Variants in ZNF354B observed in about 807,000 individuals in gnomAD.
ZNF354B encodes zinc finger protein 354B.
In ZNF354B, 10 loss-of-function variants were observed where a neutral mutation model predicts 12.9. The ratio of observed to expected loss-of-function variants is 0.77; its 90% CI spans 0.48 to 1.31. The LOEUF (loss-of-function observed/expected upper bound fraction) is 1.31, where lower values mean the gene tolerates loss of function less well. ZNF354B is among the 40% of genes most tolerant of loss of function. The pLI, the probability that ZNF354B is intolerant of heterozygous loss-of-function variation, is 0.00. For synonymous variants in ZNF354B, 260 were observed against 243.7 expected, an observed-to-expected ratio of 1.07 and a Z score of -0.62; for missense variants, 614 against 711.7, an observed-to-expected ratio of 0.86 and a Z score of 1.56.
At chr5:178,875,413 G>T (rs921170448) in intron 4 of ZNF354B, among the ~76,000 whole-genome samples, 3 of 152,180 alleles carry the variant, frequency 2.0e-5, no homozygotes, top group African/African-American at 7.2e-5. Context: ...GCCCTGCCTG[G>T]TGAGGAGCAG....
At chr5:178,876,691 CA>C (rs910060510) in intron 4 of ZNF354B, among the ~76,000 whole-genome samples, 76 of 152,252 alleles carry the variant, frequency 5.0e-4, no homozygotes, top group African/African-American at 1.8e-3. Flanking sequence ...GTGAAATTTT[CA>C]TTTCAGTTAT....
In ZNF354B at chr5:178,882,749, T is replaced by C; in HGVS notation, c.297T>C (p.Thr99=). The change falls in exon 5 of 5, where the codon ACT becomes ACC. Residue 99 remains threonine, a synonymous_variant. Transcript: ENST00000322434. Reference sequence around the variant, plus strand: ...CTAAAATGACAAAGTCAACTCAAACTCAGGATTCATTTCAGGAGCAGATAA... The same window carrying C: ...CTAAAATGACAAAGTCAACTCAAACCCAGGATTCATTTCAGGAGCAGATAA... ...STPKMTKSTQ[T]QDSFQEQIRK... is the part of the protein sequence containing the mutation. The C allele has an allele frequency of 1.9e-6, 3 of 1,574,494 alleles. No individual in the cohort carries two copies. The highest frequency in any genetic ancestry group is 2.6e-6 in the Non-Finnish European group (3 of 1,169,952).
At chr5:178,862,094 A>G (rs1757363169) in intron 2 of ZNF354B, among the ~76,000 whole-genome samples, 3 of 152,192 alleles carry the variant, frequency 2.0e-5, no homozygotes, top group African/African-American at 4.8e-5. Flanking sequence ...ATCTAACAAT[A>G]CTAATGTCCA....
chr5:178,880,761 A>G (rs1417185574), intron 4 of ZNF354B, among the ~76,000 whole-genome samples: 1 of 150,084 alleles, frequency 6.7e-6, no homozygotes, highest in Non-Finnish European at 1.5e-5. Context: ...AATTGCTGAG[A>G]TTAAAGGAAG....
intron 2 of ZNF354B, among the ~76,000 whole-genome samples, chr5:178,862,081 T>G (rs1410247831): frequency 6.6e-6 from 1 of 152,226 alleles, no homozygotes; most frequent in Non-Finnish European, 1.5e-5. Flanking sequence ...TATTCATTTT[T>G]TTATCTAACA....
chr5:178,883,659 A>G lies in ZNF354B; in HGVS notation c.1207A>G (p.Ile403Val). The change falls in exon 5 of 5, where the codon ATT (isoleucine) becomes GTT (valine). Residue 403 changes from isoleucine to valine, a missense_variant. Transcript: ENST00000322434. ...QSASLIQHER[I>V]HTGEKPYRCN... ...TGCCTCTCTTATTCAACATGAAAGA[A>G]TTCACACCGGAGAAAAGCCCTATAG... The G allele has an allele frequency of 1.2e-6, 2 of 1,614,084 alleles. No homozygotes were observed. The highest frequency in any genetic ancestry group is 1.7e-6 in the Non-Finnish European group (2 of 1,179,960).
rs574936076 is a variant in ZNF354B at position 178,877,411 on chromosome 5, C to T, written c.257-5298C>T. ...TCGGAACTCCTGACCTCAAGTGATC[C>T]GCCCACCTCAGCCTTCCAAAGTGCT... On this transcript the variant is annotated intron_variant, in intron 4 of 4. Transcript: ENST00000322434. Among the ~76,000 whole-genome samples the T allele has an allele frequency of 2.0e-3, 303 of 152,194 alleles. 1 individual carries two copies. The highest frequency in any genetic ancestry group is 6.9e-3 in the African/African-American group (287 of 41,500).
At chr5:178,878,598 C>T (rs1757675031) in intron 4 of ZNF354B, among the ~76,000 whole-genome samples, 1 of 152,152 alleles carries the variant, frequency 6.6e-6, no homozygotes, top group Non-Finnish European at 1.5e-5. Flanking sequence ...GTTCTAAAGC[C>T]TTTTAAAATA....
chr5:178,873,962 T>C (rs1757599309), intron 4 of ZNF354B, among the ~76,000 whole-genome samples: 2 of 150,956 alleles, frequency 1.3e-5, no homozygotes, highest in South Asian at 2.1e-4. Flanking sequence ...TTCTTTTTTT[T>C]TTTTTGAGAT....
intron 4 of ZNF354B, among the ~76,000 whole-genome samples, chr5:178,882,264 A>G (rs1474553358): frequency 6.6e-6 from 1 of 152,184 alleles, no homozygotes. Context: ...AGTTGTTGGA[A>G]CTCAAAGTTA....
At chr5:178,867,133 A>C (rs1162458704) in intron 4 of ZNF354B, 62 bp downstream of exon 4, 13 of 1,459,006 alleles carry the variant, frequency 8.9e-6, no homozygotes, top group Non-Finnish European at 1.2e-5. Flanking sequence ...TAATGAGAGG[A>C]GGTAGGAACA....
intron 2 of ZNF354B, among the ~76,000 whole-genome samples, chr5:178,861,294 TCATC>T (rs1005243035): frequency 1.3e-5 from 2 of 149,112 alleles, no homozygotes; most frequent in African/African-American, 2.4e-5. Context: ...TCACGAATCT[TCATC>T]CATTGTGTGA....
chr5:178,860,507 C>G (rs1033046043), intron 1 of ZNF354B, among the ~76,000 whole-genome samples: 5 of 152,288 alleles, frequency 3.3e-5, no homozygotes, highest in Admixed American at 6.5e-5. Context: ...GCGCTTTCCT[C>G]TTCAAAGCCG....
chr5:178,863,195 C>T lies in ZNF354B; in HGVS notation c.33+2115C>T, dbSNP rs149122470. On this transcript the variant is annotated intron_variant, in intron 2 of 4. Transcript: ENST00000322434. ...GCTCTTTTTCACCATAAAAATATTG[C>T]AGGGTTATGGTGTAAATTTTAGAGA... Among the ~76,000 whole-genome samples, 807 of 152,066 alleles carry T rather than the reference C, an allele frequency of 5.3e-3. 7 individuals carry two copies. The highest frequency in any genetic ancestry group is 0.019 in the African/African-American group (767 of 41,452).
intron 2 of ZNF354B, among the ~76,000 whole-genome samples, chr5:178,865,565 C>A (rs1289344377): frequency 6.6e-6 from 1 of 152,094 alleles, no homozygotes; most frequent in Non-Finnish European, 1.5e-5. Context: ...CTGCACCCAG[C>A]CAACTTTAAA....
chr5:178,884,233 C>T lies in ZNF354B; in HGVS notation c.1781C>T (p.Thr594Ile). Residue 594 changes from threonine to isoleucine, a missense_variant, in exon 5 of 5, where the codon ACT becomes ATT. Physicochemically the swap from Thr to Ile is moderately conservative, Grantham distance 89. Transcript: ENST00000322434. ...CTCTTTAGCCAGAGGTCATCCCTTACTAATCATTATAAAATTCACATTGAA... is the reference window on the plus strand; with the variant it reads ...CTCTTTAGCCAGAGGTCATCCCTTATTAATCATTATAAAATTCACATTGAA... ...GKLFSQRSSL[T>I]NHYKIHIEED... is the part of the protein sequence containing the mutation. 1 of 1,610,092 alleles carries T rather than the reference C, an allele frequency of 6.2e-7. No homozygotes were observed. The highest frequency in any genetic ancestry group is 1.1e-5 in the South Asian group (1 of 90,400).
intron 4 of ZNF354B, among the ~76,000 whole-genome samples, chr5:178,876,419 T>C (rs1757639256): frequency 6.6e-6 from 1 of 152,162 alleles, no homozygotes; most frequent in Non-Finnish European, 1.5e-5. Flanking sequence ...GCAGCCTGCC[T>C]CTCCCTTCGG....
intron 4 of ZNF354B, among the ~76,000 whole-genome samples, chr5:178,869,890 T>G (rs1757535711): frequency 6.6e-6 from 1 of 152,216 alleles, no homozygotes; most frequent in South Asian, 2.1e-4. Context: ...GGCTCCTGTC[T>G]GCCTGGACTA....
chr5:178,860,008 G>C lies in ZNF354B; in HGVS notation c.-171G>C, dbSNP rs7446382. On this transcript the variant is annotated 5_prime_UTR_variant, in exon 1 of 5. Coordinates refer to ENST00000322434, the MANE Select transcript of ZNF354B (RefSeq NM_058230.3). ...CGCTCTGCGGAGCTTTCGCTGCCCG[G>C]TGAGCGGCGCCGGGCTTGAGGTCGC... is the stretch of plus-strand genomic sequence containing the variant. The C allele has an allele frequency of 6.6e-6, 1 of 152,314 alleles. No homozygotes were observed. The allele number at this position is 152,314 out of a possible 1,614,324, so 9.4% of individuals were successfully genotyped here.
Sources: allele counts gnomAD v4.1 joint callset (sites outside exome capture counted in the v4.1 genomes callset), GRCh38; gene constraint gnomAD v4.1.1; transcripts MANE v1.5; gene names NCBI Gene and HGNC (gene_info 2026-07-23, HGNC 2026-07-21).